PNPT1: variants seen among roughly 807,000 people sequenced by gnomAD.
PNPT1 encodes the protein polyribonucleotide nucleotidyltransferase 1, mitochondrial.
A neutral mutation model predicts 119.5 loss-of-function variants in PNPT1; 53 were observed. That is an observed-to-expected ratio of 0.44 (90% CI 0.36 to 0.56). The LOEUF (loss-of-function observed/expected upper bound fraction) is 0.56, where lower values mean the gene tolerates loss of function less well. Ranked by LOEUF, PNPT1 falls within the 20% of genes least tolerant of loss-of-function variation. The probability of loss-of-function intolerance (pLI) is 0.00; values close to 1 mark genes in which losing one functional copy is unlikely to be tolerated. For synonymous variants in PNPT1, 357 were observed against 322.1 expected, an observed-to-expected ratio of 1.11 and a Z score of -1.16; for missense variants, 948 against 938.5, an observed-to-expected ratio of 1.01 and a Z score of -0.13.
At chr2:55,659,425 A>G (rs2104083615) in intron 15 of PNPT1, among the ~76,000 whole-genome samples, 1 of 152,346 alleles carries the variant, frequency 6.6e-6, no homozygotes, top group Non-Finnish European at 1.5e-5. Context: ...ACTGAGTATA[A>G]ATATGAACAT....
At chr2:55,688,240 A>G (rs1697478479) in intron 1 of PNPT1, among the ~76,000 whole-genome samples, 1 of 151,848 alleles carries the variant, frequency 6.6e-6, no homozygotes, top group Non-Finnish European at 1.5e-5. Context: ...AGTTCTTACT[A>G]TATTGTTTAG....
At chr2:55,686,321 C>T in intron 3 of PNPT1, 49 bp downstream of exon 3, 2 of 1,516,454 alleles carry the variant, frequency 1.3e-6, no homozygotes, top group Admixed American at 1.8e-5. Flanking sequence ...ATACATTCTA[C>T]ACTTTACTCA....
At chr2:55,682,819 G>A (rs1429682257) in intron 5 of PNPT1, among the ~76,000 whole-genome samples, 1 of 152,004 alleles carries the variant, frequency 6.6e-6, no homozygotes, top group African/African-American at 2.4e-5. Context: ...TAAATTGGGA[G>A]GATCACTTGG....
intron 8 of PNPT1, among the ~76,000 whole-genome samples, chr2:55,676,097 C>T (rs1697060220): frequency 6.6e-6 from 1 of 151,580 alleles, no homozygotes; most frequent in Non-Finnish European, 1.5e-5. Context: ...CCCATCTCTA[C>T]TAAAAATAAA....
intron 13 of PNPT1, among the ~76,000 whole-genome samples, chr2:55,663,182 C>T (rs577186936): frequency 1.1e-4 from 17 of 152,074 alleles, no homozygotes; most frequent in African/African-American, 2.2e-4. Flanking sequence ...CCACGCCCGG[C>T]GACAAAAGAT....
intron 18 of PNPT1, among the ~76,000 whole-genome samples, chr2:55,653,723 AT>A (rs1572806540): frequency 6.6e-6 from 1 of 152,108 alleles, no homozygotes; most frequent in Non-Finnish European, 1.5e-5. Context: ...TACCTTTTGC[AT>A]TTTTTGCTTT....
In PNPT1 at chr2:55,679,679, T is replaced by C; in HGVS notation, c.679+3A>G. 1 of 1,583,104 alleles carries C rather than the reference T, an allele frequency of 6.3e-7. No individual in the cohort carries two copies. The highest frequency in any genetic ancestry group is 8.7e-7 in the Non-Finnish European group (1 of 1,153,918). ...AACAAATGTGGTATTTAAAACAACT[T>C]ACCAATCTGACTTTTAGGTGCTCCA... On this transcript the variant is annotated splice_donor_region_variant and intron_variant, in intron 8 of 27. Coordinates refer to ENST00000447944, the MANE Select transcript of PNPT1 (RefSeq NM_033109.5).
intron 18 of PNPT1, among the ~76,000 whole-genome samples, chr2:55,653,646 C>T (rs1456762343): frequency 6.6e-6 from 1 of 152,224 alleles, no homozygotes; most frequent in Non-Finnish European, 1.5e-5. Flanking sequence ...AAAATAGTAG[C>T]AGCAGTATTT....
At chr2:55,656,074 T>C in intron 17 of PNPT1, 57 bp downstream of exon 17, 1 of 1,552,922 alleles carries the variant, frequency 6.4e-7, no homozygotes, top group Non-Finnish European at 8.7e-7. Context: ...GAAAACTTAA[T>C]AATAGAATAG....
At chr2:55,683,935 G>A in intron 4 of PNPT1, 101 bp from the exon 5 acceptor site, 1 of 1,154,234 alleles carries the variant, frequency 8.7e-7, no homozygotes, top group South Asian at 1.4e-5. Flanking sequence ...ATGTTTTCAA[G>A]AAAAATCCCC....
intron 18 of PNPT1, among the ~76,000 whole-genome samples, chr2:55,652,017 G>A (rs1285280107): frequency 1.3e-5 from 2 of 151,788 alleles, no homozygotes; most frequent in African/African-American, 2.4e-5. Flanking sequence ...GTCCTTTCAT[G>A]TGAAATACAG....
At chr2:55,677,368 CA>C (rs1697105333) in intron 8 of PNPT1, among the ~76,000 whole-genome samples, 1 of 152,060 alleles carries the variant, frequency 6.6e-6, no homozygotes, top group African/African-American at 2.4e-5. Context: ...CCGAAGCGGG[CA>C]GATCACTTGA....
intron 8 of PNPT1, among the ~76,000 whole-genome samples, chr2:55,676,733 A>C (rs1697084256): frequency 6.6e-6 from 1 of 151,972 alleles, no homozygotes; most frequent in African/African-American, 2.4e-5. Flanking sequence ...GTGGTGGTGC[A>C]CGCCTGTAAT....
intron 18 of PNPT1, among the ~76,000 whole-genome samples, 154 bp downstream of exon 18, chr2:55,654,746 T>A (rs182490819): frequency 8.7e-4 from 133 of 152,110 alleles, no homozygotes; most frequent in African/African-American, 2.3e-3. Flanking sequence ...CATTTTTTTT[T>A]AATCTTTTTT....
chr2:55,683,158 G>T (rs903633882), intron 5 of PNPT1, among the ~76,000 whole-genome samples: 1 of 152,092 alleles, frequency 6.6e-6, no homozygotes, highest in Non-Finnish European at 1.5e-5. Context: ...GCCTGATTTG[G>T]TCTCCACTCA....
chr2:55,656,357 T>C lies in PNPT1; in HGVS notation c.1299A>G (p.Ala433=), dbSNP rs746150613. The change falls in exon 16 of 28, where the codon GCA becomes GCG. Residue 433 remains alanine, a synonymous_variant. Coordinates refer to ENST00000447944, the MANE Select transcript of PNPT1 (RefSeq NM_033109.5). ...FMLHYEFPPY[A]TNEIGKVTGL... ...CAGTGACTTTGCCAATTTCATTAGT[T>C]GCATAAGGAGGAAACTTAAAAAAAA... 1.6e-5 allele frequency: 25 copies of C among 1,606,930 alleles called. No individual in the cohort carries two copies. Among genetic ancestry groups the C allele is most frequent in the Non-Finnish European group, 1.8e-5 (21 of 1,177,914 alleles).
Position 55,645,266 on chromosome 2 carries a change from C to T in PNPT1, c.1822+83G>A, listed in dbSNP as rs578249974. Reference sequence around the variant, plus strand: ...GTCTCGATCTCCTGACCTTGTGATCCGCTCGCCTCGGCCTCCCAAAGTGCT... The same window carrying T: ...GTCTCGATCTCCTGACCTTGTGATCTGCTCGCCTCGGCCTCCCAAAGTGCT... On this transcript the variant is annotated intron_variant, in intron 22 of 27. Transcript: ENST00000447944. 1.2e-4 allele frequency: 100 copies of T among 850,062 alleles called. 1 individual carries two copies. Among genetic ancestry groups the T allele is most frequent in the South Asian group, 1.2e-3 (77 of 66,806 alleles). 52.7% of individuals were successfully genotyped at this position (850,062 alleles called of 1,614,324 possible).
At chr2:55,650,965 C>T (rs1349685170) in intron 18 of PNPT1, among the ~76,000 whole-genome samples, 15 of 148,500 alleles carry the variant, frequency 1.0e-4, no homozygotes, top group Non-Finnish European at 1.4e-4. Context: ...GCCCCCCGCC[C>T]GGCCAGCCGC....
At chr2:55,670,970 TAAA>T (rs61121266) in intron 11 of PNPT1, among the ~76,000 whole-genome samples, 4,827 of 150,722 alleles carry the variant, frequency 0.032, 107 homozygotes, top group South Asian at 0.09. Flanking sequence ...CAACTAAAGT[TAAA>T]AAAAAAAAAA....
Sources: gnomAD v4.1 joint callset for allele counts (sites outside exome capture counted in the v4.1 genomes callset) on GRCh38, gnomAD v4.1.1 for gene constraint, MANE v1.5 for transcripts, NCBI Gene and HGNC (gene_info 2026-07-23, HGNC 2026-07-21) for gene names.